Variants in UST observed in about 807,000 individuals in gnomAD.
UST encodes the protein uronyl 2-sulfotransferase.
A neutral mutation model predicts 45.6 loss-of-function variants in UST; 21 were observed. The ratio of observed to expected loss-of-function variants is 0.46; its 90% CI spans 0.33 to 0.66. UST has a LOEUF of 0.66. UST is among the 30% of genes least tolerant of loss of function. The pLI, the probability that UST is intolerant of heterozygous loss-of-function variation, is 0.02. For synonymous variants in UST, 215 were observed against 200.6 expected (o/e 1.07, Z -0.61); for missense variants, 463 against 512.4 (o/e 0.90, Z 0.93).
At chr6:148,970,936 C>A (rs759157955) in intron 5 of UST, among the ~76,000 whole-genome samples, 5 of 152,246 alleles carry the variant, frequency 3.3e-5, no homozygotes, top group Non-Finnish European at 7.3e-5. Context: ...AGGTCTGTAA[C>A]CGTACTCACA....
intron 7 of UST, among the ~76,000 whole-genome samples, chr6:149,043,621 A>G (rs892434976): frequency 6.6e-6 from 1 of 152,242 alleles, no homozygotes; most frequent in Non-Finnish European, 1.5e-5. Context: ...GACAGGCGTC[A>G]TCTGACGGAG....
At chr6:148,802,795 T>A (rs962170623) in intron 1 of UST, among the ~76,000 whole-genome samples, 2 of 152,090 alleles carry the variant, frequency 1.3e-5, no homozygotes, top group Non-Finnish European at 2.9e-5. Context: ...GCAAGAACAA[T>A]TTTAGAACTG....
intron 1 of UST, among the ~76,000 whole-genome samples, chr6:148,767,492 A>G (rs769566231): frequency 1.3e-5 from 2 of 152,244 alleles, no homozygotes; most frequent in Non-Finnish European, 2.9e-5. Flanking sequence ...TTCTTCAAAT[A>G]GTTGTTGCAG....
chr6:148,769,554 G>A (rs554462118), intron 1 of UST, among the ~76,000 whole-genome samples: 2 of 152,258 alleles, frequency 1.3e-5, no homozygotes, highest in African/African-American at 4.8e-5. Context: ...AACTTTAGAG[G>A]GACTCTTTCT....
intron 5 of UST, among the ~76,000 whole-genome samples, chr6:149,000,444 G>A (rs1313318518): frequency 2.0e-5 from 3 of 152,156 alleles, no homozygotes; most frequent in Non-Finnish European, 4.4e-5. Flanking sequence ...CAGAGGGTGA[G>A]AAGGAGGAAG....
At chr6:148,886,918 A>G in intron 1 of UST, 68 bp from the exon 2 acceptor site, 1 of 1,325,312 alleles carries the variant, frequency 7.5e-7, no homozygotes, top group South Asian at 1.2e-5. Flanking sequence ...CTTATCTTCA[A>G]TAACTTTGCA....
Position 148,975,355 on chromosome 6 carries a change from A to G in UST, c.681+10792A>G, listed in dbSNP as rs145623535. The stretch of plus-strand genomic sequence containing the variant: ...GTCACAGCTCCCTGTTAAACACCCA[A>G]TAACAGATGCGAGGATGTGTGGAGC... On this transcript the variant is annotated intron_variant, in intron 5 of 7. Transcript: ENST00000367463. Among the ~76,000 whole-genome samples, 1,311 of 152,288 alleles carry G rather than the reference A, an allele frequency of 8.6e-3. 8 individuals are homozygous for G. Among genetic ancestry groups the G allele is most frequent in the Non-Finnish European group, 0.012 (824 of 68,024 alleles).
At chr6:148,861,735 C>T (rs1412369173) in intron 1 of UST, among the ~76,000 whole-genome samples, 2 of 152,202 alleles carry the variant, frequency 1.3e-5, no homozygotes, top group Non-Finnish European at 1.5e-5. Context: ...ATCTTTATTT[C>T]TGCCTTCATT....
At chr6:148,997,199 A>C (rs181870163) in intron 5 of UST, among the ~76,000 whole-genome samples, 10 of 152,382 alleles carry the variant, frequency 6.6e-5, no homozygotes, top group African/African-American at 2.4e-4. Context: ...ACATTCTATA[A>C]GAAAGCTGTG....
intron 4 of UST, among the ~76,000 whole-genome samples, chr6:148,954,676 A>T (rs988612887): frequency 3.3e-5 from 5 of 152,244 alleles, no homozygotes; most frequent in Middle Eastern, 6.8e-3. Flanking sequence ...AAATCACCTA[A>T]TGATGCATTT....
At chr6:148,968,966 G>A (rs1396530680) in intron 5 of UST, among the ~76,000 whole-genome samples, 3 of 152,262 alleles carry the variant, frequency 2.0e-5, no homozygotes, top group Non-Finnish European at 4.4e-5. Flanking sequence ...AAGAAAAGAT[G>A]TGTAATTTAC....
chr6:148,928,652 A>C (rs1779865261), intron 2 of UST, among the ~76,000 whole-genome samples: 1 of 152,230 alleles, frequency 6.6e-6, no homozygotes, highest in Non-Finnish European at 1.5e-5. Context: ...GATCAGATCT[A>C]TGCTGGTGGA....
intron 1 of UST, among the ~76,000 whole-genome samples, chr6:148,777,338 G>T (rs1776553896): frequency 6.6e-6 from 1 of 152,140 alleles, no homozygotes; most frequent in Non-Finnish European, 1.5e-5. Flanking sequence ...GCAATTTTCA[G>T]TTTCTCTCAG....
At chr6:148,990,385 C>A (rs1401444198) in intron 5 of UST, 2 of 985,008 alleles carry the variant, frequency 2.0e-6, no homozygotes, top group Non-Finnish European at 2.4e-6. Flanking sequence ...TTAAGCAGAT[C>A]AACCTATGAA....
At chr6:148,907,568 A>G (rs1396359713) in intron 2 of UST, among the ~76,000 whole-genome samples, 1 of 152,178 alleles carries the variant, frequency 6.6e-6, no homozygotes, top group African/African-American at 2.4e-5. Context: ...ATTACTTTAC[A>G]AAAGAGAACC....
At chr6:149,068,532 G>A (rs188281067) in intron 7 of UST, among the ~76,000 whole-genome samples, 12 of 152,134 alleles carry the variant, frequency 7.9e-5, no homozygotes, top group South Asian at 4.1e-4. Flanking sequence ...TCACCATCTC[G>A]CACCATATCA....
At chr6:148,862,053 A>G (rs1444714026) in intron 1 of UST, among the ~76,000 whole-genome samples, 1 of 151,924 alleles carries the variant, frequency 6.6e-6, no homozygotes, top group Non-Finnish European at 1.5e-5. Context: ...GGATATCCCT[A>G]TTAACTTTCT....
chr6:148,787,035 C>T (rs1430491884), intron 1 of UST, among the ~76,000 whole-genome samples: 1 of 151,898 alleles, frequency 6.6e-6, no homozygotes, highest in Admixed American at 6.6e-5. Flanking sequence ...CTGTTCATGT[C>T]CTTTGCCTGC....
At chr6:149,021,577 T>A in intron 7 of UST, 96 bp downstream of exon 7, 1 of 1,427,188 alleles carries the variant, frequency 7.0e-7, no homozygotes, top group Non-Finnish European at 9.6e-7. Flanking sequence ...AGTGAAATGA[T>A]CTCTTCTGAT....
Sources: allele counts gnomAD v4.1 joint callset (sites outside exome capture counted in the v4.1 genomes callset), GRCh38; gene constraint gnomAD v4.1.1; transcripts MANE v1.5; gene names NCBI Gene and HGNC (gene_info 2026-07-23, HGNC 2026-07-21).